PLEKHG1: variants seen among roughly 807,000 people sequenced by gnomAD.
The protein encoded by PLEKHG1 is pleckstrin homology domain-containing family G member 1.
Under a neutral mutation model 100.8 loss-of-function variants are expected in PLEKHG1, and 44 were observed. The ratio of observed to expected loss-of-function variants is 0.44; its 90% CI spans 0.34 to 0.56. The LOEUF (loss-of-function observed/expected upper bound fraction) is 0.56. Among genes scored for constraint, PLEKHG1 ranks in the 20% least tolerant of loss-of-function variants. The pLI is 0.01. For missense variants in PLEKHG1, 1,545 were observed against 1,720.9 expected, an observed-to-expected ratio of 0.90 and a Z score of 1.81; for synonymous variants, 640 against 662.5, an observed-to-expected ratio of 0.97 and a Z score of 0.52.
At chr6:150,824,416 A>G (rs556822470) in intron 14 of PLEKHG1, among the ~76,000 whole-genome samples, 8 of 152,258 alleles carry the variant, frequency 5.3e-5, no homozygotes, top group South Asian at 2.1e-4. Context: ...ACCTCTCCCT[A>G]TAATCTCATT....
Position 150,768,808 on chromosome 6 carries a change from A to G in PLEKHG1, c.512+70A>G, listed in dbSNP as rs906069661. The G allele has an allele frequency of 4.1e-5, 37 of 897,282 alleles. 1 individual carries two copies. Among genetic ancestry groups the G allele is most frequent in the Admixed American group, 3.7e-4 (19 of 51,458 alleles). The allele number at this position is 897,282 out of a possible 1,614,324, so 55.6% of individuals were successfully genotyped here. On this transcript the variant is annotated intron_variant, in intron 3 of 15. Coordinates refer to ENST00000358517, the Ensembl canonical transcript of PLEKHG1. ...AAAATTTCTCAAATGAATGCAGCCT[A>G]AGAAACTTTACCTGTAACCCCTGAC...
At chr6:150,735,264 G>T (rs1782505304) in intron 2 of PLEKHG1, among the ~76,000 whole-genome samples, 1 of 149,592 alleles carries the variant, frequency 6.7e-6, no homozygotes, top group Non-Finnish European at 1.5e-5. Context: ...GGGATTACAG[G>T]CATGAGCCAC....
chr6:150,627,628 G>A (rs1582837565), intron 1 of PLEKHG1, among the ~76,000 whole-genome samples: 1 of 152,042 alleles, frequency 6.6e-6, no homozygotes, highest in African/African-American at 2.4e-5. Flanking sequence ...TTACTAGTCC[G>A]CAAGCAGGAA....
intron 3 of PLEKHG1, among the ~76,000 whole-genome samples, chr6:150,702,610 C>T (rs2128599899): frequency 7.6e-6 from 1 of 130,796 alleles, no homozygotes; most frequent in South Asian, 2.4e-4. Context: ...ATATGTCATC[C>T]AGTACCCAAA....
chr6:150,603,090 A>AAAAAAAAAAAAAAAAAC (rs1776429822), intron 1 of PLEKHG1, among the ~76,000 whole-genome samples: 1 of 128,992 alleles, frequency 7.8e-6, no homozygotes, highest in African/African-American at 2.6e-5. Context: ...AAAAAAAAAA[A>AAAAAAAAAAAAAAAAAC]AAATAAAAAA....
At chr6:150,701,305 G>A (rs1424155094) in intron 3 of PLEKHG1, among the ~76,000 whole-genome samples, 71 of 146,524 alleles carry the variant, frequency 4.8e-4, no homozygotes, top group African/African-American at 1.7e-3. Flanking sequence ...GGGTAACAGA[G>A]TGAGACTCTA....
chr6:150,751,940 G>A (rs904979909), intron 2 of PLEKHG1, among the ~76,000 whole-genome samples: 2 of 152,288 alleles, frequency 1.3e-5, no homozygotes, highest in East Asian at 1.9e-4. Context: ...CGTAATCCCA[G>A]CACTTTGTGA....
chr6:150,741,520 C>T (rs1782855187), intron 2 of PLEKHG1, among the ~76,000 whole-genome samples: 1 of 152,198 alleles, frequency 6.6e-6, no homozygotes, highest in Admixed American at 6.5e-5. Flanking sequence ...TAAAAAATAA[C>T]ATTAGCAGCA....
chr6:150,616,043 C>G (rs1488086174), intron 1 of PLEKHG1, among the ~76,000 whole-genome samples: 2 of 152,120 alleles, frequency 1.3e-5, no homozygotes, highest in Non-Finnish European at 2.9e-5. Flanking sequence ...CCAAAGACAC[C>G]CAGCTAATCA....
intron 10 of PLEKHG1, among the ~76,000 whole-genome samples, chr6:150,816,326 CTTTTTTTTTTTTTTTT>C (rs1173343082): frequency 9.7e-5 from 4 of 41,106 alleles, no homozygotes; most frequent in East Asian, 9.5e-4. Flanking sequence ...CTCAAACATA[CTTTTTTTTTTTTTTTT>C]TTTTTTTTTT....
chr6:150,842,261 T>C (rs1777559012), exon 16 of PLEKHG1: 1 of 152,252 alleles, frequency 6.6e-6, no homozygotes, highest in African/African-American at 2.4e-5. Flanking sequence ...AGCGGTGGCC[T>C]TTGTATTCTC....
rs573939706 is a variant in PLEKHG1, at chr6:150,744,031, C to T, written c.411+9939C>T. On this transcript the variant is annotated intron_variant, in intron 2 of 15. Transcript: ENST00000358517. Reference sequence around the variant, plus strand: ...AGTTTGTAAGAAAACTGAATGCCCTCCCTTGTACTGCCTCGCCCTTCATCT... The same window carrying T: ...AGTTTGTAAGAAAACTGAATGCCCTTCCTTGTACTGCCTCGCCCTTCATCT... Among the ~76,000 whole-genome samples the T allele has an allele frequency of 4.6e-5, 7 of 152,282 alleles. No homozygotes were observed. The South Asian group carries it at 1.5e-3, about 32-fold the overall frequency.
At chr6:150,815,121 C>T (rs1490996608) in intron 10 of PLEKHG1, among the ~76,000 whole-genome samples, 3 of 152,174 alleles carry the variant, frequency 2.0e-5, no homozygotes, top group South Asian at 2.1e-4. Context: ...CATCTTTCCT[C>T]GAGATTATTT....
intron 3 of PLEKHG1, among the ~76,000 whole-genome samples, chr6:150,668,028 G>T (rs1236432333): frequency 6.6e-6 from 1 of 152,190 alleles, no homozygotes; most frequent in Non-Finnish European, 1.5e-5. Context: ...CGTGCAATAG[G>T]TCTTTCCAGG....
At chr6:150,743,018 T>G (rs1782964173) in intron 2 of PLEKHG1, among the ~76,000 whole-genome samples, 1 of 152,142 alleles carries the variant, frequency 6.6e-6, no homozygotes, top group Non-Finnish European at 1.5e-5. Flanking sequence ...ACATCCCTTT[T>G]CTCAAACTCC....
intron 3 of PLEKHG1, among the ~76,000 whole-genome samples, chr6:150,654,994 T>G (rs900836585): frequency 5.3e-5 from 8 of 152,244 alleles, no homozygotes; most frequent in Non-Finnish European, 8.8e-5. Flanking sequence ...CTTGGTGGTG[T>G]TATGAAAATG....
chr6:150,779,346 T>TTGTTTTTTTTTTTTTTG (rs538911050), intron 3 of PLEKHG1, among the ~76,000 whole-genome samples: 8 of 134,440 alleles, frequency 6.0e-5, no homozygotes, highest in South Asian at 2.5e-4. Context: ...GTCAAGAAGT[T>TTGTTTTTTTTTTTTTTG]TTTTTTTTTT....
chr6:150,809,336 T>C, intron 8 of PLEKHG1, 45 bp from the exon 10 acceptor site: 1 of 1,610,404 alleles, frequency 6.2e-7, no homozygotes, highest in Non-Finnish European at 8.5e-7. Context: ...CCCAGTTCTG[T>C]TCCCTCCTGA....
chr6:150,807,287 G>C (rs1162414851), intron 7 of PLEKHG1, among the ~76,000 whole-genome samples: 4 of 152,168 alleles, frequency 2.6e-5, no homozygotes, highest in African/African-American at 9.7e-5. Context: ...GGGGGTCTTG[G>C]AACATATCCC....
Sources: gnomAD v4.1 joint callset for allele counts (sites outside exome capture counted in the v4.1 genomes callset) on GRCh38, gnomAD v4.1.1 for gene constraint, MANE v1.5 for transcripts, NCBI Gene and HGNC (gene_info 2026-07-23, HGNC 2026-07-21) for gene names.